The following DPT variants were observed in gnomAD, a reference collection of about 807,000 sequenced individuals.
DPT encodes tyrosine-rich acidic matrix protein.
A neutral mutation model predicts 31.2 loss-of-function variants in DPT; 21 were observed. That is an observed-to-expected ratio of 0.67 (90% CI 0.48 to 0.97). The LOEUF is 0.97. DPT is among the 50% of genes least tolerant of loss of function. The pLI, the probability that DPT is intolerant of heterozygous loss-of-function variation, is 0.00. For synonymous variants in DPT, 91 were observed against 86.9 expected (o/e 1.05, Z -0.26); for missense variants, 262 against 258.8 (o/e 1.01, Z -0.08).
chr1:168,728,032 C>A (rs1195226138), intron 1 of DPT, among the ~76,000 whole-genome samples: 1 of 152,178 alleles, frequency 6.6e-6, no homozygotes, highest in African/African-American at 2.4e-5. Context: ...ATCAGCCTAG[C>A]AGTCAGTGCC....
intron 2 of DPT, among the ~76,000 whole-genome samples, chr1:168,705,174 G>C (rs776538644): frequency 2.0e-5 from 3 of 152,182 alleles, no homozygotes; most frequent in Non-Finnish European, 4.4e-5. Flanking sequence ...GTGACTCAGC[G>C]TAAGGTTTTG....
chr1:168,724,492 A>G (rs1271065936), intron 1 of DPT, among the ~76,000 whole-genome samples: 1 of 152,152 alleles, frequency 6.6e-6, no homozygotes, highest in Non-Finnish European at 1.5e-5. Context: ...GTGGTGAATG[A>G]GACAAAGCCC....
At chr1:168,702,321 A>G (rs1649617219) in intron 2 of DPT, among the ~76,000 whole-genome samples, 1 of 152,222 alleles carries the variant, frequency 6.6e-6, no homozygotes, top group Non-Finnish European at 1.5e-5. Flanking sequence ...TATAAACTGT[A>G]AGGGCTCCTA....
intron 2 of DPT, among the ~76,000 whole-genome samples, chr1:168,705,356 T>C (rs1163998703): frequency 6.6e-6 from 1 of 152,074 alleles, no homozygotes. Context: ...TTCCCTCCAA[T>C]TGATGTGCAC....
chr1:168,715,553 A>G (rs1373063523), intron 1 of DPT, among the ~76,000 whole-genome samples: 1 of 146,328 alleles, frequency 6.8e-6, no homozygotes, highest in Admixed American at 7.1e-5. Context: ...GTCATTTAAA[A>G]TAAAAGATAT....
In DPT at chr1:168,728,874, C is replaced by A; in HGVS notation, c.301G>T (p.Glu101Ter). ...WWEEINRAGM[E>*]WYQTCSNNGL... ...AGTGCAGGGACTGGCCCTTACCATTCCATGCCAGCCCTGTTGATCTCCTCC... is the reference window on the plus strand; with the variant it reads ...AGTGCAGGGACTGGCCCTTACCATTACATGCCAGCCCTGTTGATCTCCTCC... Residue 101 changes from glutamate (E) to a stop codon, truncating the protein, a stop_gained, in exon 1 of 4, where the codon GAA becomes TAA. Transcript: ENST00000367817. LOFTEE classifies it high-confidence loss of function. The A allele has an allele frequency of 6.2e-7, 1 of 1,614,076 alleles. No individual in the cohort carries two copies. Among genetic ancestry groups the A allele is most frequent in the South Asian group, 1.1e-5 (1 of 91,066 alleles).
Position 168,709,002 on chromosome 1 carries a change from C to T in DPT, c.431+5219G>A, listed in dbSNP as rs142756191. Among the ~76,000 whole-genome samples, 692 of 152,286 alleles carry T rather than the reference C, an allele frequency of 4.5e-3. 4 individuals carry two copies. The highest frequency in any genetic ancestry group is 8.0e-3 in the Non-Finnish European group (543 of 68,018). On this transcript the variant is annotated intron_variant, in intron 2 of 3. Transcript: ENST00000367817. ...AAAGCACTCTCTGGCTTATGACTTG[C>T]ACACAGAGAGTGGGGAAGTAGGCAG...
intron 2 of DPT, among the ~76,000 whole-genome samples, chr1:168,704,643 G>A (rs1169797899): frequency 6.6e-6 from 1 of 152,184 alleles, no homozygotes; most frequent in Non-Finnish European, 1.5e-5. Context: ...GACTCTTGTG[G>A]TACAGTTTCT....
chr1:168,724,093 T>C (rs1238492939), intron 1 of DPT, among the ~76,000 whole-genome samples: 1 of 152,224 alleles, frequency 6.6e-6, no homozygotes, highest in Admixed American at 6.5e-5. Flanking sequence ...GAGTTTACTT[T>C]CAATTTTTGA....
chr1:168,696,603 C>G lies in DPT; in HGVS notation c.552G>C (p.Trp184Cys). ...CAGTCATCCGGCACATTATGAACTTCCACTGGCGATCCCTGTGGGAGGGAG... is the reference window on the plus strand; with the variant it reads ...CAGTCATCCGGCACATTATGAACTTGCACTGGCGATCCCTGTGGGAGGGAG... ...TFSAVERDRQ[W>C]KFIMCRMTEY... is the part of the protein sequence containing the mutation. The change falls in exon 4 of 4, where the codon TGG (tryptophan) becomes TGC (cysteine). Residue 184 changes from tryptophan to cysteine, a missense_variant. Transcript: ENST00000367817. The G allele has an allele frequency of 6.2e-7, 1 of 1,613,950 alleles. No individual in the cohort carries two copies. Among genetic ancestry groups the G allele is most frequent in the Non-Finnish European group, 8.5e-7 (1 of 1,179,912 alleles).
At position 168,726,352 on chromosome 1, in the gene DPT, A is replaced by T. The variant is rs547404130; in HGVS notation, c.305+2518T>A. Among the ~76,000 whole-genome samples, 238 of 152,374 alleles carry T rather than the reference A, an allele frequency of 1.6e-3. 2 individuals carry two copies. Among genetic ancestry groups the T allele is most frequent in the African/African-American group, 5.1e-3 (214 of 41,594 alleles). The stretch of plus-strand genomic sequence containing the variant: ...TGGGAGTTCATGACAAACCAGTCAC[A>T]GTTGGCAAGTTTAAAACTAAACATC... On this transcript the variant is annotated intron_variant, in intron 1 of 3. Transcript: ENST00000367817.
intron 2 of DPT, among the ~76,000 whole-genome samples, chr1:168,713,779 A>G (rs576085805): frequency 2.0e-5 from 3 of 152,250 alleles, no homozygotes; most frequent in Non-Finnish European, 4.4e-5. Flanking sequence ...ACTATGTACT[A>G]GACTCTGACC....
intron 2 of DPT, among the ~76,000 whole-genome samples, chr1:168,704,731 A>G (rs1649680903): frequency 6.6e-6 from 1 of 152,272 alleles, no homozygotes; most frequent in South Asian, 2.1e-4. Context: ...TTGATAACAT[A>G]AAGCCACTTG....
At chr1:168,713,174 C>T (rs1383978155) in intron 2 of DPT, among the ~76,000 whole-genome samples, 1 of 152,136 alleles carries the variant, frequency 6.6e-6, no homozygotes, top group Non-Finnish European at 1.5e-5. Context: ...CTTTGCCAGG[C>T]CTGTTCACCC....
Position 168,714,287 on chromosome 1 carries a change from G to A in DPT, c.365C>T (p.Ser122Leu), listed in dbSNP as rs778274735. The change falls in exon 2 of 4, where the codon TCA (serine) becomes TTA (leucine). Residue 122 changes from serine to leucine, a missense_variant. Ser to Leu is a moderately radical substitution (Grantham distance 145, BLOSUM62 -2). Transcript: ENST00000367817. ...AAACTGCCACTCCCGATCCAGCACT[G>A]ACTCGAAGTAGCGGCTCTGGAATCC... ...VAGFQSRYFE[S>L]VLDREWQFYC... 1.9e-6 allele frequency: 3 copies of A among 1,614,090 alleles called. No homozygotes were observed. The South Asian group carries it at 3.3e-5, about 18-fold the overall frequency.
intron 1 of DPT, among the ~76,000 whole-genome samples, chr1:168,726,703 A>G (rs1022172765): frequency 7.2e-5 from 11 of 152,238 alleles, no homozygotes; most frequent in Non-Finnish European, 1.3e-4. Flanking sequence ...CACCCATGCG[A>G]TAGTGCTCCT....
chr1:168,700,984 C>G (rs750592450), intron 3 of DPT, 33 bp downstream of exon 3: 2 of 1,506,838 alleles, frequency 1.3e-6, no homozygotes, highest in South Asian at 2.3e-5. Context: ...CTCCTTTAAC[C>G]CTAGCCCATT....
At chr1:168,696,815 G>A (rs902094555) in intron 3 of DPT, among the ~76,000 whole-genome samples, 200 bp from the exon 4 acceptor site, 1 of 152,178 alleles carries the variant, frequency 6.6e-6, no homozygotes, top group Non-Finnish European at 1.5e-5. Flanking sequence ...ACCCTTGAAG[G>A]TGACTAATTA....
At chr1:168,719,646 G>T (rs1391154914) in intron 1 of DPT, among the ~76,000 whole-genome samples, 2 of 151,956 alleles carry the variant, frequency 1.3e-5, no homozygotes, top group African/African-American at 2.4e-5. Context: ...TGTGAGTGAG[G>T]AGTTCCTAAC....
Sources: gnomAD v4.1 joint callset for allele counts (sites outside exome capture counted in the v4.1 genomes callset) on GRCh38, gnomAD v4.1.1 for gene constraint, MANE v1.5 for transcripts, NCBI Gene and HGNC (gene_info 2026-07-23, HGNC 2026-07-21) for gene names.